SPACA6: variants seen among roughly 807,000 people sequenced by gnomAD.
SPACA6 encodes sperm acrosome associated 6, also known as sperm acrosome membrane-associated protein 6.
For missense variants in SPACA6, 8 were observed against 2.8 expected (o/e 2.88, Z -1.34); for synonymous variants, 6 against 1.5 (o/e 4.05, Z -2.21).
At chr19:51,711,505 G>A (rs1423128407) in intron 2 of SPACA6, among the ~76,000 whole-genome samples, 3 of 152,062 alleles carry the variant, frequency 2.0e-5, no homozygotes, top group Admixed American at 2.0e-4. Flanking sequence ...ATTAAACATA[G>A]AATTAACATA....
chr19:51,704,912 C>T (rs12461169), intron 8 of SPACA6, 178 bp from the exon 9 acceptor site: 5,988 of 361,828 alleles, frequency 0.017, 196 homozygotes, highest in Admixed American at 0.1. Flanking sequence ...ATCCAAGAGT[C>T]CAGACCCCCA....
chr19:51,692,514 A>G (rs8111799), upstream of SPACA6: 1,667 of 433,370 alleles, frequency 3.8e-3, 18 homozygotes, highest in African/African-American at 0.032. This position sits in a 1 kb window ranked among gnomAD's most constrained non-coding sequence, Gnocchi z 5.6. Context: ...GGGGGATGAG[A>G]GCCTTGACTC....
Position 51,703,063 on chromosome 19 carries a change from A to ACT in SPACA6, c.431_432dup (p.Arg145LeufsTer15), listed in dbSNP as rs1466211286. ...CGGCGTTTCCTCTGCAGCGGGTGCT[A>ACT]CTCTAGGGTCTGCGACCTCCCGCTG... is the stretch of plus-strand genomic sequence containing the variant. On this transcript the variant is annotated frameshift_variant, in exon 5 of 9. Transcript: ENST00000637797. LOFTEE classifies it high-confidence loss of function. This position sits in a 1 kb window ranked among gnomAD's most constrained non-coding sequence, Gnocchi z 4.2. 1 of 399,170 alleles carries ACT rather than the reference A, an allele frequency of 2.5e-6. No individual in the cohort carries two copies. The highest frequency in any genetic ancestry group is 4.4e-5 in the Admixed American group (1 of 22,728). The allele number at this position is 399,170 out of a possible 1,614,324, so 24.7% of individuals were successfully genotyped here.
upstream of SPACA6, chr19:51,686,002 CCT>C (rs79772712): frequency 0.03 from 4,514 of 152,214 alleles, 99 homozygotes; most frequent in East Asian, 0.068. Context: ...ATGGTGGCCC[CCT>C]GTTTCAGGGA....
upstream of SPACA6, among the ~76,000 whole-genome samples, chr19:51,684,128 T>A (rs2083317993): frequency 6.6e-6 from 1 of 152,160 alleles, no homozygotes; most frequent in African/African-American, 2.4e-5. Context: ...CAGACTAGGT[T>A]TTTTTGGGGG....
chr19:51,695,323 A>G (rs912136528), intron 2 of SPACA6, among the ~76,000 whole-genome samples: 2 of 152,220 alleles, frequency 1.3e-5, no homozygotes, highest in African/African-American at 2.4e-5. Flanking sequence ...CCTGATCACC[A>G]TGGCCATGAT....
rs917639005 is a variant in SPACA6, at chr19:51,703,466, G to A, written c.573+129G>A. ...CTAGACACAAGCATCAGCAAGAGGA[G>A]GGTCGCGGGATTTAGGGGAGAGCTC... On this transcript the variant is annotated intron_variant, in intron 6 of 8. Coordinates refer to ENST00000637797, the MANE Select transcript of SPACA6 (RefSeq NM_001316972.2). The surrounding 1 kb of genome is among the most constrained non-coding windows in gnomAD (Gnocchi z 4.2). The A allele has an allele frequency of 2.5e-5, 10 of 396,924 alleles. No individual in the cohort carries two copies. The highest frequency in any genetic ancestry group is 4.0e-5 in the Non-Finnish European group (9 of 225,292). 24.6% of individuals were successfully genotyped at this position (396,924 alleles called of 1,614,324 possible). A position where few individuals can be genotyped will look rare whatever the true frequency, so the allele number is the denominator to read the frequency against.
Position 51,694,491 on chromosome 19 carries a change from A to G in SPACA6, c.228A>G (p.Arg76=), listed in dbSNP as rs942294621. 5.0e-6 allele frequency: 2 copies of G among 399,608 alleles called. No homozygotes were observed. The highest frequency in any genetic ancestry group is 8.8e-6 in the Non-Finnish European group (2 of 226,590). The allele number at this position is 399,608 out of a possible 1,614,324, so 24.8% of individuals were successfully genotyped here. ...LSDTEINYDE[R]SHLHDTFTQM... ...CCTCACCGCCAGACTATGATGAGAG[A>G]AGCCACCTGCATGACACCTTCACCC... Residue 76 remains arginine (R), a synonymous_variant, in exon 2 of 9, where the codon AGA becomes AGG. Coordinates refer to ENST00000637797, the MANE Select transcript of SPACA6 (RefSeq NM_001316972.2).
At chr19:51,689,497 G>T (rs1217855199), upstream of SPACA6, 1 of 151,848 alleles carries the variant, frequency 6.6e-6, no homozygotes, top group African/African-American at 2.4e-5. Context: ...AGAGGATGGA[G>T]AGCGCTCGGC....
At chr19:51,712,845 G>A (rs1432946211), downstream of SPACA6, among the ~76,000 whole-genome samples, 1 of 152,212 alleles carries the variant, frequency 6.6e-6, no homozygotes, top group Non-Finnish European at 1.5e-5. Flanking sequence ...ACGGACCAGA[G>A]ACAAAAGCAC....
chr19:51,709,520 GA>G (rs932611063), downstream of SPACA6, among the ~76,000 whole-genome samples: 4 of 24,008 alleles, frequency 1.7e-4, no homozygotes, highest in Non-Finnish European at 3.0e-4. Flanking sequence ...TGCATCTCAG[GA>G]AAAAAAAGGC....
At position 51,704,171 on chromosome 19, in the gene SPACA6, T is replaced by C. The variant is rs901767292; in HGVS notation, c.715T>C (p.Tyr239His). The C allele has an allele frequency of 1.0e-5, 4 of 400,898 alleles. No individual in the cohort carries two copies. In the Admixed American group the frequency reaches 1.3e-4, roughly 13 times the overall value. The allele number at this position is 400,898 out of a possible 1,614,324, so 24.8% of individuals were successfully genotyped here. ...AGACCAGCGCCCCCTGGCCCGGCTC[T>C]ACTTCTTTCTTAACGGTGGGGCGGG... ...KQDQRPLARL[Y>H]FFLNVTGPPP... Residue 239 changes from tyrosine (Y) to histidine (H), a missense_variant, in exon 7 of 9, where the codon TAC (tyrosine) becomes CAC (histidine). By Grantham distance (83) the Tyr-to-His change is moderately conservative. Transcript: ENST00000637797.
At chr19:51,704,609 AC>A in intron 8 of SPACA6, 129 bp downstream of exon 8, 2 of 398,824 alleles carry the variant, frequency 5.0e-6, no homozygotes, top group Non-Finnish European at 8.8e-6. Context: ...TCTCAGACCC[AC>A]GAGTCCAGGT....
chr19:51,693,645 T>C lies in SPACA6; in HGVS notation c.119T>C (p.Ile40Thr). 1 of 414,828 alleles carries C rather than the reference T, an allele frequency of 2.4e-6. No homozygotes were observed. 25.7% of individuals were successfully genotyped at this position (414,828 alleles called of 1,614,324 possible). Reference protein sequence around the residue: ...CFTTYSERLRICQMFVGMRSP... With the variant: ...CFTTYSERLRTCQMFVGMRSP... Reference sequence around the variant, plus strand: ...ACAACCTACTCTGAGCGCCTCCGCATCTGCCAGATGTTTGTTGGGATGCGG... The same window carrying C: ...ACAACCTACTCTGAGCGCCTCCGCACCTGCCAGATGTTTGTTGGGATGCGG... Residue 40 changes from isoleucine (I) to threonine (T), a missense_variant, in exon 1 of 9, where the codon ATC becomes ACC. Ile to Thr is a moderately conservative substitution (Grantham distance 89). Coordinates refer to ENST00000637797, the MANE Select transcript of SPACA6 (RefSeq NM_001316972.2).
upstream of SPACA6, chr19:51,687,258 A>AATAAATAC (rs375156538): frequency 1.6e-4 from 23 of 147,302 alleles, no homozygotes; most frequent in East Asian, 4.2e-4. Flanking sequence ...CTCAAAAATA[A>AATAAATAC]ATACATACAT....
upstream of SPACA6, chr19:51,692,874 G>T (rs778443972): frequency 1.9e-6 from 1 of 534,250 alleles, no homozygotes; most frequent in South Asian, 1.4e-5. The surrounding 1 kb of genome is among the most constrained non-coding windows in gnomAD (Gnocchi z 5.6). Context: ...GCTGCGCCCT[G>T]CACGGGACGG....
rs1037007251 is a variant in SPACA6, at chr19:51,704,266, G to T, written c.731-4G>T. On this transcript the variant is annotated splice_polypyrimidine_tract_variant and splice_region_variant and intron_variant, in intron 7 of 8. Transcript: ENST00000637797. The stretch of plus-strand genomic sequence containing the variant: ...GTGCCTGGCTGACGTGCGCGCCCCC[G>T]CAGTGACGGGCCCGCCCCCGCGGGC... 5.0e-6 allele frequency: 2 copies of T among 400,556 alleles called. No individual in the cohort carries two copies. Among genetic ancestry groups the T allele is most frequent in the Admixed American group, 4.4e-5 (1 of 22,714 alleles). 24.8% of individuals were successfully genotyped at this position (400,556 alleles called of 1,614,324 possible). A position where few individuals can be genotyped will look rare whatever the true frequency, so the allele number is the denominator to read the frequency against.
downstream of SPACA6, among the ~76,000 whole-genome samples, chr19:51,705,523 C>G (rs1365948424): frequency 2.0e-5 from 3 of 152,036 alleles, no homozygotes. Context: ...ACTTCCAATT[C>G]ATTTTCATTT....
upstream of SPACA6, among the ~76,000 whole-genome samples, chr19:51,691,437 CAG>C (rs1444074093): frequency 1.5e-5 from 2 of 135,712 alleles, no homozygotes; most frequent in African/African-American, 2.9e-5. Flanking sequence ...GAGAGAGGGC[CAG>C]AGAGAGAATG....
Sources: allele counts gnomAD v4.1 joint callset (sites outside exome capture counted in the v4.1 genomes callset), GRCh38; gene constraint gnomAD v4.1.1; non-coding constraint Gnocchi (gnomAD v3.1); transcripts MANE v1.5; gene names NCBI Gene and HGNC (gene_info 2026-07-23, HGNC 2026-07-21).